Variants in SLC36A1 observed in about 807,000 individuals in gnomAD.
SLC36A1 encodes the protein proton-coupled amino acid transporter 1.
A neutral mutation model predicts 47.5 loss-of-function variants in SLC36A1; 30 were observed. The observed-to-expected ratio is 0.63, with a 90% CI of 0.47 to 0.86. The LOEUF is 0.86. Ranked by LOEUF, SLC36A1 falls within the 40% of genes least tolerant of loss-of-function variation. The pLI is 0.00. For missense variants in SLC36A1, 517 were observed against 606.0 expected (o/e 0.85, Z 1.54); for synonymous variants, 255 against 249.7 (o/e 1.02, Z -0.20).
chr5:151,478,852 A>AG (rs1170427161), intron 9 of SLC36A1, among the ~76,000 whole-genome samples: 1 of 152,018 alleles, frequency 6.6e-6, no homozygotes, highest in Non-Finnish European at 1.5e-5. Context: ...GACAAATTGT[A>AG]GCACTCTGTA....
chr5:151,550,397 G>T, the SLC36A1 span, among the ~76,000 whole-genome samples: 1 of 152,156 alleles, frequency 6.6e-6, no homozygotes, highest in Non-Finnish European at 1.5e-5. Flanking sequence ...TTCCTTGGCA[G>T]CCGTCCCATC....
chr5:151,407,048 C>G, the SLC36A1 span, among the ~76,000 whole-genome samples: 3 of 152,274 alleles, frequency 2.0e-5, no homozygotes, highest in South Asian at 6.2e-4. Context: ...TTGTTTGTTC[C>G]TCCCAGTGGG....
the SLC36A1 span, chr5:151,510,301 G>C: frequency 2.7e-6 from 3 of 1,125,910 alleles, no homozygotes; most frequent in African/African-American, 1.5e-5. Flanking sequence ...GCTCCCCTCT[G>C]TGCCCAATAC....
intron 1 of SLC36A1, chr5:151,452,323 G>A (rs1753770962): frequency 6.6e-6 from 1 of 152,220 alleles, no homozygotes; most frequent in African/African-American, 2.4e-5. Flanking sequence ...CACAGTCTGT[G>A]TCTTTGTTCA....
At chr5:151,503,035 A>G in the SLC36A1 span, among the ~76,000 whole-genome samples, 2 of 148,412 alleles carry the variant, frequency 1.3e-5, no homozygotes, top group African/African-American at 2.7e-5. Flanking sequence ...CTGGAAAACT[A>G]TGGAGACAGC....
chr5:151,355,242 G>A, the SLC36A1 span, among the ~76,000 whole-genome samples: 1 of 152,028 alleles, frequency 6.6e-6, no homozygotes, highest in African/African-American at 2.4e-5. Context: ...GAGAGGGTTT[G>A]GAATGGCACA....
At chr5:151,530,836 T>C in the SLC36A1 span, among the ~76,000 whole-genome samples, 3 of 152,176 alleles carry the variant, frequency 2.0e-5, no homozygotes, top group African/African-American at 7.2e-5. Flanking sequence ...CTGCAGATGA[T>C]TACTGAAGCT....
chr5:151,492,473 GA>G (rs1760202212), downstream of SLC36A1: 1 of 150,268 alleles, frequency 6.7e-6, no homozygotes, highest in Admixed American at 6.7e-5. Flanking sequence ...TTATGCCACA[GA>G]GTTCATATGG....
chr5:151,516,222 T>C, the SLC36A1 span, among the ~76,000 whole-genome samples: 2 of 152,212 alleles, frequency 1.3e-5, no homozygotes, highest in Non-Finnish European at 2.9e-5. Flanking sequence ...TGTAAAATTG[T>C]AACTCCGGCT....
the SLC36A1 span, among the ~76,000 whole-genome samples, chr5:151,519,424 G>A: frequency 1.3e-5 from 2 of 152,214 alleles, no homozygotes; most frequent in African/African-American, 4.8e-5. Flanking sequence ...TATTGGATGG[G>A]ATATTGAAGA....
the SLC36A1 span, among the ~76,000 whole-genome samples, chr5:151,364,484 T>C: frequency 1.3e-5 from 2 of 152,198 alleles, no homozygotes; most frequent in African/African-American, 4.8e-5. Context: ...CATCAAATCT[T>C]GGTATTGTCT....
At chr5:151,462,363 A>ATTTTTTTTTTTTTTTTT (rs139075390) in intron 2 of SLC36A1, among the ~76,000 whole-genome samples, 1 of 148,070 alleles carries the variant, frequency 6.8e-6, no homozygotes, top group Non-Finnish European at 1.5e-5. Context: ...TCACCAATGG[A>ATTTTTTTTTTTTTTTTT]TTTTTTTTTT....
At chr5:151,429,167 A>G in the SLC36A1 span, among the ~76,000 whole-genome samples, 19 of 151,676 alleles carry the variant, frequency 1.3e-4, no homozygotes, top group African/African-American at 4.6e-4. Context: ...TCTTCTCAGC[A>G]TTTTACCTAT....
At chr5:151,532,311 C>T in the SLC36A1 span, among the ~76,000 whole-genome samples, 1 of 152,154 alleles carries the variant, frequency 6.6e-6, no homozygotes, top group African/African-American at 2.4e-5. Flanking sequence ...TAGAACAGCT[C>T]TGTATCTTGA....
chr5:151,529,210 C>T, the SLC36A1 span: 1 of 1,614,170 alleles, frequency 6.2e-7, no homozygotes, highest in African/African-American at 1.3e-5. Flanking sequence ...AGGGCATTCT[C>T]TAAGACCCTT....
intron 3 of SLC36A1, among the ~76,000 whole-genome samples, 172 bp downstream of exon 3, chr5:151,463,815 G>A (rs1047261018): frequency 6.6e-6 from 1 of 152,240 alleles, no homozygotes; most frequent in Non-Finnish European, 1.5e-5. Flanking sequence ...TTTATTGAGA[G>A]TGTTCTGTGC....
chr5:151,375,187 T>C, the SLC36A1 span, among the ~76,000 whole-genome samples: 1 of 152,212 alleles, frequency 6.6e-6, no homozygotes, highest in African/African-American at 2.4e-5. Flanking sequence ...TTTTAATAGT[T>C]TCAGGTCTTA....
At chr5:151,537,454 G>T in the SLC36A1 span, among the ~76,000 whole-genome samples, 2 of 147,238 alleles carry the variant, frequency 1.4e-5, no homozygotes, top group African/African-American at 5.0e-5. Context: ...GGAGGGGAGG[G>T]GAGGGAAGGA....
intron 1 of SLC36A1, among the ~76,000 whole-genome samples, chr5:151,458,119 G>T (rs1160758924): frequency 1.3e-5 from 2 of 151,632 alleles, no homozygotes; most frequent in Non-Finnish European, 2.9e-5. Flanking sequence ...AAGTGCTGGG[G>T]TTGCAGGCGT....
Sources: gnomAD v4.1 joint callset for allele counts (sites outside exome capture counted in the v4.1 genomes callset) on GRCh38, gnomAD v4.1.1 for gene constraint, MANE v1.5 for transcripts, NCBI Gene and HGNC (gene_info 2026-07-23, HGNC 2026-07-21) for gene names.